CDH12: variants seen among roughly 807,000 people sequenced by gnomAD.
CDH12 encodes cadherin-12.
In CDH12, 41 loss-of-function variants were observed where a neutral mutation model predicts 74.1. That is an observed-to-expected ratio of 0.55 (90% CI 0.43 to 0.72). The LOEUF (loss-of-function observed/expected upper bound fraction) is 0.72, where lower values mean the gene tolerates loss of function less well. CDH12 is among the 30% of genes least tolerant of loss of function. The probability of loss-of-function intolerance (pLI) is 0.00; values close to 1 mark genes in which losing one functional copy is unlikely to be tolerated. For missense variants in CDH12, 945 were observed against 977.2 expected (o/e 0.97, Z 0.44); for synonymous variants, 399 against 355.0 (o/e 1.12, Z -1.39).
chr5:22,361,851 T>C (rs1281046524), intron 3 of CDH12, among the ~76,000 whole-genome samples: 3 of 152,164 alleles, frequency 2.0e-5, no homozygotes, highest in Admixed American at 6.5e-5. Flanking sequence ...ATTTAATAAA[T>C]GGTGCTGGGA....
intron 4 of CDH12, among the ~76,000 whole-genome samples, chr5:22,103,020 C>T (rs1005388810): frequency 1.3e-5 from 2 of 152,108 alleles, no homozygotes; most frequent in Non-Finnish European, 2.9e-5. Context: ...CAGTAATATC[C>T]CCAGTGTGGC....
At chr5:22,100,104 T>C (rs1015636397) in intron 4 of CDH12, among the ~76,000 whole-genome samples, 1 of 152,178 alleles carries the variant, frequency 6.6e-6, no homozygotes, top group Non-Finnish European at 1.5e-5. Flanking sequence ...ACCACTATTT[T>C]GTTTTATTTT....
chr5:21,790,533 T>G (rs965839021), intron 10 of CDH12, among the ~76,000 whole-genome samples: 2 of 152,096 alleles, frequency 1.3e-5, no homozygotes, highest in African/African-American at 4.8e-5. Flanking sequence ...GATATACATT[T>G]TATTCACTTA....
chr5:22,087,362 G>A (rs1030911979), intron 4 of CDH12, among the ~76,000 whole-genome samples: 7 of 152,082 alleles, frequency 4.6e-5, no homozygotes, highest in Non-Finnish European at 7.3e-5. Flanking sequence ...AAAAAAGGTC[G>A]GGTGTGATGG....
At chr5:22,254,167 T>C (rs1753228449) in intron 3 of CDH12, among the ~76,000 whole-genome samples, 1 of 151,896 alleles carries the variant, frequency 6.6e-6, no homozygotes, top group Non-Finnish European at 1.5e-5. Flanking sequence ...TTTAGGTATA[T>C]ACATGAATAA....
intron 5 of CDH12, among the ~76,000 whole-genome samples, chr5:21,987,913 T>C (rs969366452): frequency 6.6e-6 from 1 of 151,366 alleles, no homozygotes; most frequent in Non-Finnish European, 1.5e-5. Context: ...CTTGTAATCA[T>C]CAGAAAGGGA....
At chr5:22,217,984 A>G (rs909059207) in intron 3 of CDH12, among the ~76,000 whole-genome samples, 4 of 151,604 alleles carry the variant, frequency 2.6e-5, no homozygotes, top group Admixed American at 2.6e-4. Context: ...AGATTTTCTT[A>G]TTAATTCATA....
chr5:22,449,136 C>A (rs994388814), intron 2 of CDH12, among the ~76,000 whole-genome samples: 1 of 151,700 alleles, frequency 6.6e-6, no homozygotes, highest in Non-Finnish European at 1.5e-5. Context: ...TGAGATGAAC[C>A]TTTTACTGGT....
At position 22,418,393 on chromosome 5, in the gene CDH12, C is replaced by A. The variant is rs181508804; in HGVS notation, c.-427-13042G>T. On this transcript the variant is annotated intron_variant, in intron 2 of 14. Transcript: ENST00000382254. ...AATATACAATCATGTCATCTGCAAACAGACACAATTTGACTTCCTCTCTTC... is the reference window on the plus strand; with the variant it reads ...AATATACAATCATGTCATCTGCAAAAAGACACAATTTGACTTCCTCTCTTC... Among the ~76,000 whole-genome samples the A allele has an allele frequency of 8.8e-3, 1,341 of 152,286 alleles. 13 individuals carry two copies. Among genetic ancestry groups the A allele is most frequent in the Non-Finnish European group, 0.014 (985 of 68,006 alleles).
intron 2 of CDH12, among the ~76,000 whole-genome samples, chr5:22,431,963 G>A (rs781725486): frequency 2.0e-5 from 3 of 151,952 alleles, no homozygotes; most frequent in Non-Finnish European, 4.4e-5. Context: ...ATATAACTTT[G>A]GTGTTCATCA....
intron 4 of CDH12, among the ~76,000 whole-genome samples, chr5:22,126,405 A>T (rs1745873195): frequency 1.3e-5 from 2 of 152,182 alleles, no homozygotes; most frequent in Non-Finnish European, 1.5e-5. Flanking sequence ...TACTGCCTGC[A>T]TCATACCTTT....
intron 3 of CDH12, among the ~76,000 whole-genome samples, chr5:22,222,246 CT>C (rs1429944356): frequency 6.6e-6 from 1 of 151,900 alleles, no homozygotes; most frequent in Non-Finnish European, 1.5e-5. Context: ...GATGCTTCTG[CT>C]CTGCTTAGGA....
chr5:22,378,671 T>C (rs1438849671), intron 3 of CDH12, among the ~76,000 whole-genome samples: 1 of 152,138 alleles, frequency 6.6e-6, no homozygotes, highest in African/African-American at 2.4e-5. Context: ...TATTGAGTTG[T>C]GTCTCTTTAT....
intron 1 of CDH12, among the ~76,000 whole-genome samples, chr5:22,663,856 G>T (rs1241346185): frequency 6.6e-6 from 1 of 151,878 alleles, no homozygotes; most frequent in African/African-American, 2.4e-5. Context: ...CAAAGTAATT[G>T]ATTAGTTACT....
intron 1 of CDH12, among the ~76,000 whole-genome samples, chr5:22,567,162 C>G (rs576375211): frequency 2.0e-5 from 3 of 152,110 alleles, no homozygotes; most frequent in Non-Finnish European, 4.4e-5. Context: ...ATAGCAGCTA[C>G]GCATCAAAGT....
At chr5:22,061,564 T>C (rs1741189680) in intron 5 of CDH12, among the ~76,000 whole-genome samples, 1 of 152,186 alleles carries the variant, frequency 6.6e-6, no homozygotes, top group African/African-American at 2.4e-5. Flanking sequence ...TTCTGTGTTA[T>C]CTGTGGCCTT....
chr5:21,901,798 C>A (rs1397454363), intron 6 of CDH12, among the ~76,000 whole-genome samples: 1 of 152,112 alleles, frequency 6.6e-6, no homozygotes, highest in East Asian at 1.9e-4. Context: ...ACATCATCAT[C>A]CAGCAGTGGT....
chr5:21,989,405 A>C (rs1757654218), intron 5 of CDH12, among the ~76,000 whole-genome samples: 1 of 152,164 alleles, frequency 6.6e-6, no homozygotes, highest in Non-Finnish European at 1.5e-5. Flanking sequence ...AGTTTTTATT[A>C]GATGCAATGC....
At chr5:22,724,904 A>C (rs2126995188) in intron 1 of CDH12, among the ~76,000 whole-genome samples, 1 of 151,856 alleles carries the variant, frequency 6.6e-6, no homozygotes, top group East Asian at 1.9e-4. Flanking sequence ...TTAAAAAAAT[A>C]GTTTCCAAAA....
Sources: gnomAD v4.1 joint callset for allele counts (sites outside exome capture counted in the v4.1 genomes callset) on GRCh38, gnomAD v4.1.1 for gene constraint, MANE v1.5 for transcripts, NCBI Gene and HGNC (gene_info 2026-07-23, HGNC 2026-07-21) for gene names.